ACTL6B: variants seen among roughly 807,000 people sequenced by gnomAD.
ACTL6B encodes the protein actin-like protein 6B.
A neutral mutation model predicts 63.3 loss-of-function variants in ACTL6B; 48 were observed. The ratio of observed to expected loss-of-function variants is 0.76; its 90% CI spans 0.60 to 0.96. ACTL6B has a LOEUF of 0.96. Among genes scored for constraint, ACTL6B ranks in the 50% least tolerant of loss-of-function variants. ACTL6B has a pLI of 0.00. For missense variants in ACTL6B, 350 were observed against 572.2 expected (o/e 0.61, Z 3.96); for synonymous variants, 230 against 223.8 (o/e 1.03, Z -0.25).
In ACTL6B at chr7:100,647,504, G is replaced by A. The variant is rs140422470; in HGVS notation, c.699C>T (p.Asn233=). 8.5e-4 allele frequency: 1,374 copies of A among 1,609,146 alleles called. 1 individual carries two copies. The highest frequency in any genetic ancestry group is 6.0e-3 in the Middle Eastern group (36 of 6,032). The change falls in exon 8 of 14, where the codon AAC becomes AAT. Residue 233 remains asparagine, a synonymous_variant. Transcript: ENST00000160382. This position sits in a 1 kb window ranked among gnomAD's most constrained non-coding sequence, Gnocchi z 4.4. ...GGGGTAGCTTCTCCTTCTTCTTCCA[G>A]TTTGGGGGGGCACCCTCCCGGACAG... is the stretch of plus-strand genomic sequence containing the variant. ...KEPVREGAPP[N]WKKKEKLPQV...
chr7:100,646,000 G>A (rs1803813932), intron 13 of ACTL6B, among the ~76,000 whole-genome samples: 1 of 152,140 alleles, frequency 6.6e-6, no homozygotes, highest in Admixed American at 6.6e-5. Flanking sequence ...TCAACTCCTA[G>A]CCTCAAGCCA....
chr7:100,643,666 C>T (rs1803765137), intron 13 of ACTL6B, among the ~76,000 whole-genome samples: 1 of 152,196 alleles, frequency 6.6e-6, no homozygotes, highest in South Asian at 2.1e-4. Flanking sequence ...ACCCCCTACA[C>T]ACACACAGTC....
chr7:100,644,167 T>G (rs1481450317), intron 13 of ACTL6B, among the ~76,000 whole-genome samples: 1 of 152,222 alleles, frequency 6.6e-6, no homozygotes, highest in Non-Finnish European at 1.5e-5. Context: ...CCCAAAGTGC[T>G]GGGATTACAA....
At chr7:100,652,916 ACT>A (rs1803967158) in intron 4 of ACTL6B, among the ~76,000 whole-genome samples, 7 of 141,950 alleles carry the variant, frequency 4.9e-5, no homozygotes, top group African/African-American at 1.8e-4. Context: ...CAGGAGAATC[ACT>A]TGAACCCGGG....
intron 4 of ACTL6B, 121 bp downstream of exon 4, chr7:100,654,898 T>A: frequency 1.3e-6 from 1 of 782,418 alleles, no homozygotes; most frequent in African/African-American, 1.7e-5. Flanking sequence ...GTGAGGGGAG[T>A]CTGAAAAGGG....
intron 4 of ACTL6B, among the ~76,000 whole-genome samples, chr7:100,652,552 C>T (rs1468852113): frequency 6.9e-6 from 1 of 145,616 alleles, no homozygotes; most frequent in Non-Finnish European, 1.5e-5. Flanking sequence ...CGCGCCATGG[C>T]ACTCCAGCCT....
rs749753112 is a variant in ACTL6B, at chr7:100,646,609, G to A, written c.1055C>T (p.Thr352Ile). The A allele has an allele frequency of 1.2e-6, 2 of 1,614,014 alleles. No individual in the cohort carries two copies. Among genetic ancestry groups the A allele is most frequent in the Non-Finnish European group, 1.7e-6 (2 of 1,180,008 alleles). ...CCTGTCAGTGAAGCCCTGCAGCAGT[G>A]TGTTCCCGCCGGTGACAATGACACT... ...YGSVIVTGGN[T>I]LLQGFTDRLN... is the part of the protein sequence containing the mutation. Residue 352 changes from threonine to isoleucine, a missense_variant, in exon 12 of 14, where the codon ACA (threonine) becomes ATA (isoleucine). By Grantham distance (89) the Thr-to-Ile change is moderately conservative. Coordinates refer to ENST00000160382, the MANE Select transcript of ACTL6B (RefSeq NM_016188.5). This position sits in a 1 kb window ranked among gnomAD's most constrained non-coding sequence, Gnocchi z 6.1.
chr7:100,649,801 A>G (rs1402166227), intron 5 of ACTL6B, among the ~76,000 whole-genome samples: 2 of 152,088 alleles, frequency 1.3e-5, no homozygotes, highest in East Asian at 1.9e-4. Context: ...GGCCCAGCTC[A>G]CTGTCTGCTC....
chr7:100,649,573 C>T (rs752097693), intron 5 of ACTL6B, among the ~76,000 whole-genome samples: 4 of 152,236 alleles, frequency 2.6e-5, no homozygotes, highest in Non-Finnish European at 4.4e-5. Flanking sequence ...GCTGGGATTA[C>T]AGGCGTGAGC....
Position 100,648,851 on chromosome 7 carries a change from A to G in ACTL6B, c.468-28T>C. 2 of 1,602,204 alleles carry G rather than the reference A, an allele frequency of 1.2e-6. No individual in the cohort carries two copies. Among genetic ancestry groups the G allele is most frequent in the Non-Finnish European group, 1.7e-6 (2 of 1,173,616 alleles). ...GGCATCGGATGGGTAAGTCAAAGAG[A>G]CAGCAGCAGCAAGTGAGGGGCCTGG... is the stretch of plus-strand genomic sequence containing the variant. On this transcript the variant is annotated intron_variant, in intron 5 of 13. Coordinates refer to ENST00000160382, the MANE Select transcript of ACTL6B (RefSeq NM_016188.5). The surrounding 1 kb of genome is among the most constrained non-coding windows in gnomAD (Gnocchi z 4.4).
In ACTL6B at chr7:100,647,117, G is replaced by A. The variant is rs1482028777; in HGVS notation, c.822-32C>T. ...AGAAGGGAGCAGGACTCTGCCTGGG[G>A]TGCTCAAGAAGGATCAGTGCGTGGG... On this transcript the variant is annotated intron_variant, in intron 9 of 13. Transcript: ENST00000160382. The surrounding 1 kb of genome is among the most constrained non-coding windows in gnomAD (Gnocchi z 4.4). 1.9e-5 allele frequency: 31 copies of A among 1,612,644 alleles called. No homozygotes were observed. The highest frequency in any genetic ancestry group is 2.6e-5 in the Non-Finnish European group (31 of 1,178,842).
In ACTL6B at chr7:100,650,153, A is replaced by T. The variant is rs1354074292; in HGVS notation, c.370-18T>A. 1.9e-6 allele frequency: 3 copies of T among 1,612,040 alleles called. No homozygotes were observed. Among genetic ancestry groups the T allele is most frequent in the Non-Finnish European group, 2.5e-6 (3 of 1,178,842 alleles). On this transcript the variant is annotated intron_variant, in intron 4 of 13. Coordinates refer to ENST00000160382, the MANE Select transcript of ACTL6B (RefSeq NM_016188.5). ...GTGTTCCACTGTGGAGAAAGTGCAG[A>T]GGGGGAGGATTCAGGAAGGGAGAGG...
rs201651137 is a variant in ACTL6B, at chr7:100,655,452, C to T, written c.237G>A (p.Ala79=). 5.0e-6 allele frequency: 8 copies of T among 1,614,120 alleles called. No individual in the cohort carries two copies. Among genetic ancestry groups the T allele is most frequent in the Middle Eastern group, 1.6e-4 (1 of 6,062 alleles). Residue 79 remains alanine, a synonymous_variant, in exon 3 of 14, where the codon GCG becomes GCA. Transcript: ENST00000160382. The surrounding 1 kb of genome is among the most constrained non-coding windows in gnomAD (Gnocchi z 4.4). Reference sequence around the variant, plus strand: ...CATTCTTGAGGGGCGACATGACCTCCGCTCCATCCCGAGGCACGTGCAGGG... The same window carrying T: ...CATTCTTGAGGGGCGACATGACCTCTGCTCCATCCCGAGGCACGTGCAGGG... ...TNALHVPRDG[A]EVMSPLKNGM...
chr7:100,655,609 G>A lies in ACTL6B; in HGVS notation c.103-23C>T, dbSNP rs2231171. 1 of 1,603,048 alleles carries A rather than the reference G, an allele frequency of 6.2e-7. No individual in the cohort carries two copies. The highest frequency in any genetic ancestry group is 8.5e-7 in the Non-Finnish European group (1 of 1,175,016). ...AGCCTGGTGGGGAAGGGTTGGGGGAGTATTGGCAGGGAGAGAGGTCACCCT... is the reference window on the plus strand; with the variant it reads ...AGCCTGGTGGGGAAGGGTTGGGGGAATATTGGCAGGGAGAGAGGTCACCCT... On this transcript the variant is annotated intron_variant, in intron 2 of 13. Coordinates refer to ENST00000160382, the MANE Select transcript of ACTL6B (RefSeq NM_016188.5). The surrounding 1 kb of genome is among the most constrained non-coding windows in gnomAD (Gnocchi z 4.4).
intron 4 of ACTL6B, among the ~76,000 whole-genome samples, chr7:100,650,816 G>A (rs1338300444): frequency 6.6e-6 from 1 of 152,060 alleles, no homozygotes; most frequent in Non-Finnish European, 1.5e-5. Flanking sequence ...GAAAATATAA[G>A]AGAAAAGGGA....
intron 4 of ACTL6B, among the ~76,000 whole-genome samples, chr7:100,651,526 G>A (rs1456655219): frequency 6.6e-6 from 1 of 151,502 alleles, no homozygotes; most frequent in African/African-American, 2.4e-5. Flanking sequence ...CTCCAGCCTG[G>A]GGGACAAGAG....
chr7:100,648,518 G>T lies in ACTL6B; in HGVS notation c.669+38C>A. ...TTGACGGCCATGGGGCGAGTGGCCA[G>T]GACTCTAGTGGCAGCTCCATGTCCC... is the stretch of plus-strand genomic sequence containing the variant. On this transcript the variant is annotated intron_variant, in intron 7 of 13. Coordinates refer to ENST00000160382, the MANE Select transcript of ACTL6B (RefSeq NM_016188.5). The surrounding 1 kb of genome is among the most constrained non-coding windows in gnomAD (Gnocchi z 4.4). 6.5e-7 allele frequency: 1 copy of T among 1,535,196 alleles called. No individual in the cohort carries two copies. Among genetic ancestry groups the T allele is most frequent in the South Asian group, 1.2e-5 (1 of 80,654 alleles).
At chr7:100,652,108 T>C (rs1668269797) in intron 4 of ACTL6B, among the ~76,000 whole-genome samples, 2 of 151,860 alleles carry the variant, frequency 1.3e-5, no homozygotes, top group African/African-American at 4.8e-5. Flanking sequence ...AGAAATGAAA[T>C]TGATGAGAGG....
At position 100,643,131 on chromosome 7, in the gene ACTL6B, C is replaced by T. The variant is rs1803752399; in HGVS notation, c.*115G>A. The T allele has an allele frequency of 1.7e-6, 2 of 1,166,046 alleles. No individual in the cohort carries two copies. The highest frequency in any genetic ancestry group is 4.8e-5 in the East Asian group (2 of 42,072). 72.2% of individuals were successfully genotyped at this position (1,166,046 alleles called of 1,614,324 possible). A position where few individuals can be genotyped will look rare whatever the true frequency, so the allele number is the denominator to read the frequency against. On this transcript the variant is annotated 3_prime_UTR_variant, in exon 14 of 14. Transcript: ENST00000160382. ...TTAAAACATTTTTACTTCTTTCAAC[C>T]CAGAAACATCACCATTAATGAGGAC...
Sources: gnomAD v4.1 joint callset for allele counts (sites outside exome capture counted in the v4.1 genomes callset) on GRCh38, gnomAD v4.1.1 for gene constraint, Gnocchi (gnomAD v3.1) non-coding constraint, MANE v1.5 for transcripts, NCBI Gene and HGNC (gene_info 2026-07-23, HGNC 2026-07-21) for gene names.